The following AGMO variants were observed in gnomAD, a reference collection of about 807,000 sequenced individuals.
AGMO encodes the protein alkylglycerol monooxygenase, also known as glyceryl-ether monooxygenase.
Under a neutral mutation model 60.2 loss-of-function variants are expected in AGMO, and 75 were observed. The observed-to-expected ratio is 1.25, with a 90% CI of 1.03 to 1.51. The LOEUF (loss-of-function observed/expected upper bound fraction) is 1.51, where lower values mean the gene tolerates loss of function less well. AGMO is among the 40% of genes most tolerant of loss of function. The pLI is 0.00. For synonymous variants in AGMO, 261 were observed against 177.1 expected, an observed-to-expected ratio of 1.47 and a Z score of -3.76; for missense variants, 763 against 525.5, an observed-to-expected ratio of 1.45 and a Z score of -4.42.
intron 12 of AGMO, among the ~76,000 whole-genome samples, chr7:15,241,458 T>TCAA (rs1443780657): frequency 0.014 from 157 of 11,204 alleles, 9 homozygotes; most frequent in Middle Eastern, 0.083. Flanking sequence ...AGACTCCGTC[T>TCAA]CAAAAAAAAA....
chr7:15,541,708 G>C (rs1784635043), intron 3 of AGMO, among the ~76,000 whole-genome samples: 1 of 152,126 alleles, frequency 6.6e-6, no homozygotes, highest in Non-Finnish European at 1.5e-5. Flanking sequence ...TCCCATAACT[G>C]TGAGAAAATG....
At chr7:15,135,912 G>A in the AGMO span, among the ~76,000 whole-genome samples, 1 of 128,866 alleles carries the variant, frequency 7.8e-6, no homozygotes, top group Non-Finnish European at 1.7e-5. Context: ...TTTAAATTTT[G>A]TATTTTTTAG....
At chr7:15,549,074 T>G (rs1443129282) in intron 2 of AGMO, among the ~76,000 whole-genome samples, 5 of 150,638 alleles carry the variant, frequency 3.3e-5, no homozygotes, top group Admixed American at 1.3e-4. Context: ...CTAAGCTTCA[T>G]AAGCGAAGGA....
intron 12 of AGMO, among the ~76,000 whole-genome samples, chr7:15,269,695 G>T (rs1458721008): frequency 6.6e-6 from 1 of 152,030 alleles, no homozygotes; most frequent in African/African-American, 2.4e-5. Flanking sequence ...TGGGCTTCTA[G>T]TGTATCCGTC....
intron 3 of AGMO, among the ~76,000 whole-genome samples, chr7:15,544,064 T>A (rs1024692914): frequency 6.6e-5 from 10 of 152,070 alleles, no homozygotes; most frequent in African/African-American, 2.2e-4. Flanking sequence ...AATAATGGCA[T>A]TTGCAGCAAC....
At chr7:15,341,542 T>C (rs1038490967) in intron 12 of AGMO, among the ~76,000 whole-genome samples, 3 of 152,152 alleles carry the variant, frequency 2.0e-5, no homozygotes, top group Non-Finnish European at 4.4e-5. Flanking sequence ...GTTTCCCACA[T>C]CTTTCTGTCT....
rs913744180 is a variant in AGMO at position 15,406,731 on chromosome 7, A to G, written c.609+11827T>C. Among the ~76,000 whole-genome samples, 2 of 74,868 alleles carry G rather than the reference A, an allele frequency of 2.7e-5. 1 individual carries two copies. The highest frequency in any genetic ancestry group is 5.3e-5 in the Non-Finnish European group (2 of 37,786). 49.1% of individuals were successfully genotyped at this position (74,868 alleles called of 152,430 possible). Reference sequence around the variant, plus strand: ...TATGTGTATATATATGTATATACACACATACATATGAATATACATATATAT... The same window carrying G: ...TATGTGTATATATATGTATATACACGCATACATATGAATATACATATATAT... On this transcript the variant is annotated intron_variant, in intron 5 of 12. Coordinates refer to ENST00000342526, the MANE Select transcript of AGMO (RefSeq NM_001004320.2).
intron 5 of AGMO, among the ~76,000 whole-genome samples, chr7:15,399,502 A>C (rs537633056): frequency 6.6e-6 from 1 of 152,328 alleles, no homozygotes; most frequent in South Asian, 2.1e-4. Context: ...ACATTTTTTA[A>C]AACTGTTAAA....
intron 12 of AGMO, among the ~76,000 whole-genome samples, chr7:15,356,138 C>G (rs1198792849): frequency 1.3e-5 from 2 of 152,162 alleles, no homozygotes; most frequent in Non-Finnish European, 2.9e-5. Flanking sequence ...TGGAAAACAA[C>G]TTGGCATCAG....
the AGMO span, among the ~76,000 whole-genome samples, chr7:15,132,709 A>C: frequency 6.6e-6 from 1 of 152,210 alleles, no homozygotes; most frequent in Non-Finnish European, 1.5e-5. Context: ...AGCTGAAAAT[A>C]GAATGTGAAT....
intron 12 of AGMO, among the ~76,000 whole-genome samples, chr7:15,354,496 GTATATATATA>G (rs60044874): frequency 0.094 from 1,770 of 18,792 alleles, 205 homozygotes; most frequent in Admixed American, 0.11. Flanking sequence ...ATACACACGT[GTATATATATA>G]TATATATATA....
At chr7:15,444,216 C>T (rs1369710877) in intron 3 of AGMO, among the ~76,000 whole-genome samples, 2 of 152,092 alleles carry the variant, frequency 1.3e-5, no homozygotes, top group Non-Finnish European at 2.9e-5. Context: ...ATAACCAAGT[C>T]ACACTATTTT....
the AGMO span, among the ~76,000 whole-genome samples, chr7:15,177,671 C>A: frequency 6.6e-6 from 1 of 151,984 alleles, no homozygotes; most frequent in African/African-American, 2.4e-5. Context: ...AACTCTTACT[C>A]GGTAGAATAG....
the AGMO span, among the ~76,000 whole-genome samples, chr7:15,168,216 A>G: frequency 6.6e-6 from 1 of 152,216 alleles, no homozygotes; most frequent in African/African-American, 2.4e-5. Flanking sequence ...ATTTTTAACT[A>G]TGCCTAGTAC....
At chr7:15,366,102 A>C in intron 11 of AGMO, 38 bp downstream of exon 11, 1 of 1,493,136 alleles carries the variant, frequency 6.7e-7, no homozygotes, top group Non-Finnish European at 9.2e-7. Context: ...TCTTGAATTG[A>C]GTAAAAGTAA....
the AGMO span, among the ~76,000 whole-genome samples, chr7:15,135,084 CATATA>C: frequency 1.2e-4 from 18 of 150,950 alleles, 1 homozygote; most frequent in Admixed American, 7.9e-4. Context: ...ATATATAACA[CATATA>C]ATATATAATT....
chr7:15,341,109 A>T (rs1347142398), intron 12 of AGMO, among the ~76,000 whole-genome samples: 1 of 152,180 alleles, frequency 6.6e-6, no homozygotes, highest in Admixed American at 6.5e-5. Flanking sequence ...GGTCTTTGAC[A>T]TGTCCTGGAG....
intron 10 of AGMO, among the ~76,000 whole-genome samples, chr7:15,374,722 A>C (rs1189310264): frequency 6.6e-6 from 1 of 152,106 alleles, no homozygotes; most frequent in African/African-American, 2.4e-5. Context: ...CCACCTTGAG[A>C]GTTTCTAGGT....
chr7:15,429,998 C>T (rs992026998), intron 4 of AGMO, among the ~76,000 whole-genome samples: 8 of 94,360 alleles, frequency 8.5e-5, no homozygotes, highest in African/African-American at 2.3e-4. Context: ...TGGAACAAGA[C>T]TGCAGTTCTA....
Sources: gnomAD v4.1 joint callset for allele counts (sites outside exome capture counted in the v4.1 genomes callset) on GRCh38, gnomAD v4.1.1 for gene constraint, MANE v1.5 for transcripts, NCBI Gene and HGNC (gene_info 2026-07-23, HGNC 2026-07-21) for gene names.